The following FAM91A1 variants were observed in gnomAD, a reference collection of about 807,000 sequenced individuals.
The protein encoded by FAM91A1 is protein FAM91A1.
In FAM91A1, 41 loss-of-function variants were observed where a neutral mutation model predicts 113.5. That is an observed-to-expected ratio of 0.36 (90% confidence interval 0.28 to 0.47). The LOEUF is 0.47. Among genes scored for constraint, FAM91A1 ranks in the 20% least tolerant of loss-of-function variants. The pLI is 1.00. For synonymous variants in FAM91A1, 307 were observed against 347.9 expected, an observed-to-expected ratio of 0.88 and a Z score of 1.31; for missense variants, 696 against 1,001.2, an observed-to-expected ratio of 0.70 and a Z score of 4.11.
intron 15 of FAM91A1, among the ~76,000 whole-genome samples, chr8:123,796,834 T>C (rs1815533136): frequency 5.4e-5 from 8 of 148,916 alleles, no homozygotes; most frequent in Admixed American, 1.3e-4. Flanking sequence ...GAGGCCGAGG[T>C]GGGCAGATAA....
intron 1 of FAM91A1, among the ~76,000 whole-genome samples, chr8:123,772,009 G>A (rs1047361450): frequency 1.3e-5 from 2 of 152,068 alleles, no homozygotes; most frequent in African/African-American, 4.8e-5. Context: ...CTTCTCTAGT[G>A]GCAACAGTGT....
chr8:123,779,452 G>C (rs1815066306), intron 6 of FAM91A1, among the ~76,000 whole-genome samples: 1 of 152,190 alleles, frequency 6.6e-6, no homozygotes, highest in Non-Finnish European at 1.5e-5. Context: ...CTAGAGACCA[G>C]GTTGTATTTA....
Position 123,806,213 on chromosome 8 carries a change from T to C in FAM91A1, c.2016T>C (p.Asp672=). 1 of 1,612,120 alleles carries C rather than the reference T, an allele frequency of 6.2e-7. No homozygotes were observed. Among genetic ancestry groups the C allele is most frequent in the Non-Finnish European group, 8.5e-7 (1 of 1,178,942 alleles). ...SSQLADRKLS[D]ASDERGEPDL... ...AACTTGCAGATAGAAAACTCAGTGA[T>C]GCTTCTGATGAGAGAGGTTAGCCAA... Residue 672 remains aspartate (D), a synonymous_variant, in exon 20 of 24, where the codon GAT becomes GAC. Coordinates refer to ENST00000334705, the MANE Select transcript of FAM91A1 (RefSeq NM_144963.4).
At chr8:123,786,400 G>A (rs1440718367) in intron 11 of FAM91A1, 95 bp from the exon 12 acceptor site, 6 of 925,968 alleles carry the variant, frequency 6.5e-6, no homozygotes, top group South Asian at 1.5e-5. Context: ...GAATTTTGAT[G>A]GATTGTTCAT....
At chr8:123,778,879 A>G in intron 6 of FAM91A1, 107 bp downstream of exon 6, 6 of 738,670 alleles carry the variant, frequency 8.1e-6, no homozygotes, top group Non-Finnish European at 1.0e-5. Context: ...TTTCCTGAAG[A>G]AAAGGAAACT....
At chr8:123,809,127 AT>A (rs1586397918) in intron 22 of FAM91A1, 111 bp downstream of exon 22, 1 of 1,398,658 alleles carries the variant, frequency 7.1e-7, no homozygotes, top group East Asian at 2.5e-5. Context: ...TGTTCTGTAT[AT>A]ATTTGTTGAT....
intron 18 of FAM91A1, among the ~76,000 whole-genome samples, chr8:123,803,068 A>T (rs1159922715): frequency 1.3e-5 from 2 of 152,052 alleles, no homozygotes; most frequent in African/African-American, 4.8e-5. Context: ...AGCACTTTGG[A>T]AGGCTGAGGT....
Position 123,775,144 on chromosome 8 carries a change from C to A in FAM91A1, c.158-3C>A. 1 of 1,586,320 alleles carries A rather than the reference C, an allele frequency of 6.3e-7. No individual in the cohort carries two copies. Among genetic ancestry groups the A allele is most frequent in the South Asian group, 1.1e-5 (1 of 87,008 alleles). ...AACTGGAGAATTTCCCTCTTTTGTG[C>A]AGTTAAACATGTCAAGAAAGATGAA... On this transcript the variant is annotated splice_region_variant and splice_polypyrimidine_tract_variant and intron_variant, in intron 2 of 23. Coordinates refer to ENST00000334705, the MANE Select transcript of FAM91A1 (RefSeq NM_144963.4).
intron 23 of FAM91A1, 189 bp downstream of exon 23, chr8:123,810,540 A>G: frequency 1.5e-6 from 1 of 671,842 alleles, no homozygotes; most frequent in Non-Finnish European, 2.6e-6. Flanking sequence ...GTCTTCGGAG[A>G]CCAAAGCTTG....
At chr8:123,798,318 A>G (rs1815591198) in intron 16 of FAM91A1, 80 bp downstream of exon 16, 1 of 1,458,654 alleles carries the variant, frequency 6.9e-7, no homozygotes, top group Non-Finnish European at 9.2e-7. Flanking sequence ...TGCAGATACC[A>G]ACTATTAAAA....
chr8:123,786,250 C>A (rs1815254935), intron 11 of FAM91A1: 1 of 430,290 alleles, frequency 2.3e-6, no homozygotes, highest in Non-Finnish European at 4.2e-6. Context: ...AGAAAAAAAG[C>A]AAATAAATAT....
chr8:123,805,981 TA>T, intron 19 of FAM91A1, 98 bp from the exon 20 acceptor site: 1 of 1,186,966 alleles, frequency 8.4e-7, no homozygotes, highest in Non-Finnish European at 1.1e-6. Context: ...TATTAAAGTA[TA>T]AAAGTAGTTC....
chr8:123,778,208 C>T, intron 5 of FAM91A1, 116 bp downstream of exon 5: 1 of 711,158 alleles, frequency 1.4e-6, no homozygotes, highest in Non-Finnish European at 2.3e-6. Flanking sequence ...GTACTTAACA[C>T]AGAAACAATA....
At chr8:123,775,462 C>T (rs1814960308) in intron 3 of FAM91A1, among the ~76,000 whole-genome samples, 164 bp downstream of exon 3, 1 of 152,200 alleles carries the variant, frequency 6.6e-6, no homozygotes, top group South Asian at 2.1e-4. Context: ...GTTTGAGCCA[C>T]ACTGTACAAG....
intron 4 of FAM91A1, 61 bp downstream of exon 4, chr8:123,777,383 A>G (rs1238799902): frequency 1.3e-5 from 18 of 1,411,202 alleles, no homozygotes; most frequent in Admixed American, 3.6e-5. Flanking sequence ...GCATCCTGTC[A>G]TCTGTGAATA....
Position 123,805,278 on chromosome 8 carries a change from G to A in FAM91A1, c.1821G>A (p.Leu607=). 1 of 1,611,514 alleles carries A rather than the reference G, an allele frequency of 6.2e-7. No homozygotes were observed. Among genetic ancestry groups the A allele is most frequent in the Non-Finnish European group, 8.5e-7 (1 of 1,178,854 alleles). ...TTGTTTATGTTTAGGGGCATGGTCT[G>A]CATGGGATAGGAGAAACTGTCCATG... is the stretch of plus-strand genomic sequence containing the variant. The part of the protein sequence containing the change: ...HSAVLIQGHG[L]HGIGETVHVP... Residue 607 remains leucine, a synonymous_variant, in exon 19 of 24, where the codon CTG becomes CTA. Coordinates refer to ENST00000334705, the MANE Select transcript of FAM91A1 (RefSeq NM_144963.4).
intron 6 of FAM91A1, among the ~76,000 whole-genome samples, chr8:123,779,183 C>A (rs1230065176): frequency 2.6e-5 from 4 of 152,154 alleles, no homozygotes; most frequent in African/African-American, 9.7e-5. Context: ...ATTTGTACCC[C>A]CATTTCACAG....
At chr8:123,789,592 A>G (rs1279312968) in intron 14 of FAM91A1, 21 bp from the exon 15 acceptor site, 2 of 1,611,170 alleles carry the variant, frequency 1.2e-6, no homozygotes, top group Admixed American at 1.7e-5. Context: ...TTGTTGCAAA[A>G]TCTATTTTCT....
chr8:123,789,485 G>A (rs1586381323), intron 14 of FAM91A1, 128 bp from the exon 15 acceptor site: 6 of 1,328,474 alleles, frequency 4.5e-6, no homozygotes, highest in African/African-American at 1.5e-5. Flanking sequence ...AACTTGTTTC[G>A]GTATTGCCTG....
Sources: gnomAD v4.1 joint callset for allele counts (sites outside exome capture counted in the v4.1 genomes callset) on GRCh38, gnomAD v4.1.1 for gene constraint, MANE v1.5 for transcripts, NCBI Gene and HGNC (gene_info 2026-07-23, HGNC 2026-07-21) for gene names.